GRIK1: variants seen among roughly 807,000 people sequenced by gnomAD.
GRIK1 encodes the protein glutamate ionotropic receptor kainate type subunit 1, also known as glutamate receptor ionotropic, kainate 1.
A neutral mutation model predicts 105.7 loss-of-function variants in GRIK1; 69 were observed. The observed-to-expected ratio is 0.65, with a 90% CI of 0.54 to 0.80. The LOEUF (loss-of-function observed/expected upper bound fraction) is 0.80, where lower values mean the gene tolerates loss of function less well. Among genes scored for constraint, GRIK1 ranks in the 30% least tolerant of loss-of-function variants. The probability of loss-of-function intolerance (pLI) is 0.00; values close to 1 mark genes in which losing one functional copy is unlikely to be tolerated. For missense variants in GRIK1, 1,109 were observed against 1,167.3 expected (o/e 0.95, Z 0.73); for synonymous variants, 438 against 431.3 (o/e 1.02, Z -0.19).
At position 29,560,368 on chromosome 21, in the gene GRIK1, C is replaced by CTTTTT. The variant is rs1568813696; in HGVS notation, c.2356+1255_2356+1256insAAAAA. Among the ~76,000 whole-genome samples, 16 of 20,746 alleles carry CTTTTT rather than the reference C, an allele frequency of 7.7e-4. 2 individuals are homozygous for CTTTTT. The highest frequency in any genetic ancestry group is 2.5e-3 in the South Asian group (1 of 402). 13.6% of individuals were successfully genotyped at this position (20,746 alleles called of 152,430 possible). A position where few individuals can be genotyped will look rare whatever the true frequency, so the allele number is the denominator to read the frequency against. Reference sequence around the variant, plus strand: ...CTTTCTTTCTTTCTTTTTCTTTCTTCCTTCCTTCCTTCCTTCCTTCCTTCC... The same window carrying CTTTTT: ...CTTTCTTTCTTTCTTTTTCTTTCTTCTTTTTCTTCCTTCCTTCCTTCCTTCCTTCC... On this transcript the variant is annotated intron_variant, in intron 15 of 17. Transcript: ENST00000327783.
intron 1 of GRIK1, among the ~76,000 whole-genome samples, chr21:29,931,675 T>A (rs1251465263): frequency 2.7e-4 from 41 of 152,110 alleles, no homozygotes; most frequent in Admixed American, 2.6e-3. Flanking sequence ...CAGAATAATA[T>A]ATATTTTTTC....
intron 1 of GRIK1, among the ~76,000 whole-genome samples, chr21:29,790,609 C>T (rs879807768): frequency 1.3e-5 from 2 of 151,950 alleles, no homozygotes; most frequent in African/African-American, 2.4e-5. Flanking sequence ...GCGTGCACCA[C>T]CATGCCTGTA....
At chr21:29,560,355 CTTTTTCTT>C (rs1464461725) in intron 15 of GRIK1, among the ~76,000 whole-genome samples, 6 of 58,934 alleles carry the variant, frequency 1.0e-4, no homozygotes, top group African/African-American at 4.6e-4. Flanking sequence ...TTCTTTCTTT[CTTTTTCTT>C]TCTTCCTTCC....
At chr21:29,646,469 T>A (rs1413027851) in intron 6 of GRIK1, among the ~76,000 whole-genome samples, 1 of 151,360 alleles carries the variant, frequency 6.6e-6, no homozygotes, top group African/African-American at 2.4e-5. Context: ...AATCTGTCAT[T>A]GTGAGTATAA....
intron 1 of GRIK1, among the ~76,000 whole-genome samples, chr21:29,910,857 A>G (rs184374025): frequency 6.6e-6 from 1 of 152,210 alleles, no homozygotes; most frequent in East Asian, 1.9e-4. Context: ...ATGAGAAAGC[A>G]TGATTAAAGA....
At chr21:29,604,298 C>T (rs553366290) in intron 7 of GRIK1, among the ~76,000 whole-genome samples, 40 of 152,296 alleles carry the variant, frequency 2.6e-4, no homozygotes, top group African/African-American at 7.9e-4. Context: ...TCTACATAGA[C>T]TCCCTGTGTG....
intron 15 of GRIK1, among the ~76,000 whole-genome samples, chr21:29,560,574 T>TCTCTCTC (rs2090450222): frequency 3.2e-5 from 4 of 124,178 alleles, no homozygotes; most frequent in African/African-American, 1.6e-4. Flanking sequence ...CTTTCTTTCT[T>TCTCTCTC]TCTCTCTTTC....
intron 1 of GRIK1, among the ~76,000 whole-genome samples, chr21:29,870,395 C>T (rs1178246426): frequency 6.6e-6 from 1 of 151,792 alleles, no homozygotes; most frequent in African/African-American, 2.4e-5. Flanking sequence ...CTTTATCTTT[C>T]CTTTGTTAGC....
intron 1 of GRIK1, among the ~76,000 whole-genome samples, chr21:29,815,524 G>A (rs1195314144): frequency 1.3e-5 from 2 of 152,044 alleles, no homozygotes; most frequent in Admixed American, 6.6e-5. Context: ...AACATTATTC[G>A]CTATTCTGCC....
At chr21:29,819,311 T>G (rs1041286040) in intron 1 of GRIK1, among the ~76,000 whole-genome samples, 3 of 152,138 alleles carry the variant, frequency 2.0e-5, no homozygotes, top group Admixed American at 6.6e-5. Flanking sequence ...AAAGGCTGGC[T>G]GCTTAGAAGC....
At chr21:29,796,711 G>A (rs575388903) in intron 1 of GRIK1, among the ~76,000 whole-genome samples, 1 of 152,244 alleles carries the variant, frequency 6.6e-6, no homozygotes, top group Non-Finnish European at 1.5e-5. Context: ...CACTTTGGGA[G>A]GCCGAGGTGA....
chr21:29,552,329 A>G (rs2090148893), intron 16 of GRIK1, among the ~76,000 whole-genome samples: 1 of 152,128 alleles, frequency 6.6e-6, no homozygotes, highest in Non-Finnish European at 1.5e-5. Flanking sequence ...CTTATTCACT[A>G]GTGAGGAATC....
chr21:29,685,076 C>T (rs1207516359), intron 3 of GRIK1, among the ~76,000 whole-genome samples: 2 of 152,140 alleles, frequency 1.3e-5, no homozygotes, highest in African/African-American at 4.8e-5. Flanking sequence ...AAATAATATA[C>T]ACTAAGACAC....
intron 1 of GRIK1, among the ~76,000 whole-genome samples, chr21:29,705,477 CA>C (rs1487607577): frequency 2.6e-5 from 4 of 152,248 alleles, no homozygotes; most frequent in Non-Finnish European, 5.9e-5. Flanking sequence ...GTAACCGTGA[CA>C]TGCAGTGGAA....
At chr21:29,693,862 C>T (rs1479006932) in intron 2 of GRIK1, 34 bp downstream of exon 2, 2 of 1,540,598 alleles carry the variant, frequency 1.3e-6, no homozygotes, top group African/African-American at 2.7e-5. Context: ...GACATATCAC[C>T]CAAAGAAGCT....
At chr21:29,669,857 C>T (rs1415415298) in intron 4 of GRIK1, among the ~76,000 whole-genome samples, 1 of 152,110 alleles carries the variant, frequency 6.6e-6, no homozygotes, top group Non-Finnish European at 1.5e-5. Flanking sequence ...GAGTCCTCAG[C>T]CTCCCTAGGG....
chr21:29,761,073 T>C (rs2065501871), intron 1 of GRIK1, among the ~76,000 whole-genome samples: 1 of 152,198 alleles, frequency 6.6e-6, no homozygotes, highest in African/African-American at 2.4e-5. Flanking sequence ...TATTGTGGGC[T>C]TGCTGTTGAT....
At chr21:29,881,848 T>C (rs1033549385) in intron 1 of GRIK1, among the ~76,000 whole-genome samples, 3 of 152,176 alleles carry the variant, frequency 2.0e-5, no homozygotes, top group Non-Finnish European at 4.4e-5. Context: ...CAAAATACTA[T>C]GTAATATTTA....
In GRIK1 at chr21:29,907,943, G is replaced by T. The variant is rs1015325736; in HGVS notation, c.118+31440C>A. ...TTATTTAAGTTTTACTATTGTTTTG[G>T]TGAAAACTGACTTCTATTCATTTTT... is the stretch of plus-strand genomic sequence containing the variant. On this transcript the variant is annotated intron_variant, in intron 1 of 17. Coordinates refer to ENST00000327783, the MANE Select transcript of GRIK1 (RefSeq NM_001330994.2). Among the ~76,000 whole-genome samples, 6 of 152,050 alleles carry T rather than the reference G, an allele frequency of 3.9e-5. No individual in the cohort carries two copies. The South Asian group carries it at 1.2e-3, about 32-fold the overall frequency.
Sources: allele counts gnomAD v4.1 joint callset (sites outside exome capture counted in the v4.1 genomes callset), GRCh38; gene constraint gnomAD v4.1.1; transcripts MANE v1.5; gene names NCBI Gene and HGNC (gene_info 2026-07-23, HGNC 2026-07-21).